PHF21B: variants seen among roughly 807,000 people sequenced by gnomAD.
The protein encoded by PHF21B is PHD finger protein 4.
PHF21B carries 22 observed loss-of-function variants against 62.2 expected under a neutral mutation model. The ratio of observed to expected loss-of-function variants is 0.35; its 90% CI spans 0.25 to 0.51. The LOEUF is 0.51. PHF21B is among the 20% of genes least tolerant of loss of function. The probability of loss-of-function intolerance (pLI) is 0.97; values close to 1 mark genes in which losing one functional copy is unlikely to be tolerated. For synonymous variants in PHF21B, 341 were observed against 314.7 expected (o/e 1.08, Z -0.88); for missense variants, 701 against 707.9 (o/e 0.99, Z 0.11).
chr22:44,991,223 A>G (rs1302162407), intron 2 of PHF21B, among the ~76,000 whole-genome samples: 1 of 152,220 alleles, frequency 6.6e-6, no homozygotes, highest in Non-Finnish European at 1.5e-5. Context: ...TTGAGAAGGC[A>G]AAAAAGCTTG....
chr22:44,951,202 T>C (rs922746030), intron 2 of PHF21B, among the ~76,000 whole-genome samples: 4 of 152,162 alleles, frequency 2.6e-5, no homozygotes, highest in Non-Finnish European at 5.9e-5. Flanking sequence ...TTATCTGTAT[T>C]TGCAGCCGTG....
intron 2 of PHF21B, chr22:44,989,425 G>A (rs1601684954): frequency 1.3e-5 from 2 of 152,036 alleles, no homozygotes; most frequent in African/African-American, 2.4e-5. Context: ...AATCCAACGG[G>A]TTAATGTAAG....
intron 5 of PHF21B, among the ~76,000 whole-genome samples, chr22:44,911,305 T>C (rs1181416171): frequency 6.6e-6 from 1 of 152,010 alleles, no homozygotes; most frequent in Non-Finnish European, 1.5e-5. Flanking sequence ...CTGCAGAAAT[T>C]TGCATAAGTA....
At chr22:44,998,967 T>C (rs1182968920) in intron 2 of PHF21B, among the ~76,000 whole-genome samples, 11 of 152,100 alleles carry the variant, frequency 7.2e-5, no homozygotes, top group Non-Finnish European at 1.5e-5. Flanking sequence ...AGGGTTTGAC[T>C]CAACCCTGAG....
In PHF21B at chr22:44,916,361, G is replaced by T; in HGVS notation, c.483C>A (p.Ala161=). The change falls in exon 4 of 13, where the codon GCC becomes GCA. Residue 161 remains alanine (A), a synonymous_variant. Coordinates refer to ENST00000313237, the MANE Select transcript of PHF21B (RefSeq NM_138415.5). ...AIISTSPSNA[A]AMAPSTAVSV... ...ACACGGCGGTGCTGGGGGCCATGGC[G>T]GCGGCATTGCTGGGGGAGGTGGAGA... is the stretch of plus-strand genomic sequence containing the variant. The T allele has an allele frequency of 6.3e-7, 1 of 1,595,232 alleles. No homozygotes were observed. Among genetic ancestry groups the T allele is most frequent in the Non-Finnish European group, 8.5e-7 (1 of 1,176,196 alleles).
chr22:44,991,179 C>T (rs2073037234), intron 2 of PHF21B, among the ~76,000 whole-genome samples: 2 of 152,176 alleles, frequency 1.3e-5, no homozygotes, highest in East Asian at 3.9e-4. Context: ...CATTTGTGCA[C>T]CAAGGGGATT....
chr22:44,951,307 G>C (rs932729331), intron 2 of PHF21B, among the ~76,000 whole-genome samples: 2 of 152,196 alleles, frequency 1.3e-5, no homozygotes, highest in African/African-American at 4.8e-5. Context: ...TGCATGCAGA[G>C]TTCACAATAG....
chr22:44,934,994 C>T (rs1447166659), intron 2 of PHF21B, among the ~76,000 whole-genome samples: 1 of 152,210 alleles, frequency 6.6e-6, no homozygotes, highest in Non-Finnish European at 1.5e-5. Context: ...ACAGTCCCTG[C>T]TCTGCTCCAG....
chr22:44,888,543 C>T (rs2070901152), intron 9 of PHF21B, among the ~76,000 whole-genome samples: 1 of 152,182 alleles, frequency 6.6e-6, no homozygotes, highest in South Asian at 2.1e-4. Context: ...ATGAATGCAG[C>T]ACTCCCTCCC....
rs58426065 is a variant in PHF21B at position 44,960,956 on chromosome 22, ATTT to A, written c.121-40469_121-40467del. On this transcript the variant is annotated intron_variant, in intron 2 of 12. Coordinates refer to ENST00000313237, the MANE Select transcript of PHF21B (RefSeq NM_138415.5). ...TGTCCCTTCAAAATCACGTGAGTTG[ATTT>A]TTTTTTTTTTTTTTTGAGAAGGAGT... Among the ~76,000 whole-genome samples the A allele has an allele frequency of 5.9e-3, 719 of 120,888 alleles. 1 individual carries two copies. The highest frequency in any genetic ancestry group is 9.2e-3 in the Non-Finnish European group (561 of 60,944). The allele number at this position is 120,888 out of a possible 152,430, so 79.3% of individuals were successfully genotyped here.
At chr22:44,895,744 T>C (rs2071044846) in intron 6 of PHF21B, among the ~76,000 whole-genome samples, 1 of 152,190 alleles carries the variant, frequency 6.6e-6, no homozygotes, top group Non-Finnish European at 1.5e-5. Context: ...GTATTGTGCA[T>C]AGTCATGGAG....
At chr22:44,968,680 A>T (rs1265059957) in intron 2 of PHF21B, among the ~76,000 whole-genome samples, 7 of 150,276 alleles carry the variant, frequency 4.7e-5, no homozygotes, top group Admixed American at 4.0e-4. Context: ...GGGACCATAC[A>T]TGTTTTGGAA....
intron 12 of PHF21B, among the ~76,000 whole-genome samples, chr22:44,884,182 T>A (rs57767623): frequency 8.8e-6 from 1 of 113,148 alleles, no homozygotes; most frequent in Non-Finnish European, 1.8e-5. Context: ...ACCACCATCA[T>A]TACCACCATC....
chr22:44,965,109 A>G (rs1189397516), intron 2 of PHF21B, among the ~76,000 whole-genome samples: 1 of 152,110 alleles, frequency 6.6e-6, no homozygotes, highest in Non-Finnish European at 1.5e-5. Flanking sequence ...TCTGAGTCCC[A>G]GCCTGGGACT....
At chr22:44,955,124 C>T (rs1213568519) in intron 2 of PHF21B, among the ~76,000 whole-genome samples, 2 of 152,202 alleles carry the variant, frequency 1.3e-5, no homozygotes, top group East Asian at 1.9e-4. Flanking sequence ...AAGAAGTCAG[C>T]GGTCATGCTG....
intron 3 of PHF21B, among the ~76,000 whole-genome samples, chr22:44,918,031 A>G (rs2071469808): frequency 6.6e-6 from 1 of 152,120 alleles, no homozygotes; most frequent in Admixed American, 6.5e-5. Context: ...TAAGCCTGCC[A>G]CTCTGTCCTT....
At chr22:44,922,144 G>T (rs2071549394) in intron 2 of PHF21B, among the ~76,000 whole-genome samples, 1 of 152,184 alleles carries the variant, frequency 6.6e-6, no homozygotes, top group East Asian at 1.9e-4. Flanking sequence ...ATAACAAAAA[G>T]GATAAGACAT....
chr22:44,926,601 C>G (rs1367410055), intron 2 of PHF21B, among the ~76,000 whole-genome samples: 2 of 152,204 alleles, frequency 1.3e-5, no homozygotes, highest in Admixed American at 1.3e-4. Flanking sequence ...CTGCAGATAG[C>G]TCTGGGTGGG....
chr22:44,957,057 G>A (rs1364402610), intron 2 of PHF21B, among the ~76,000 whole-genome samples: 5 of 152,096 alleles, frequency 3.3e-5, no homozygotes, highest in Non-Finnish European at 5.9e-5. Flanking sequence ...CTGCCCACAC[G>A]GCAGTCCAAT....
Sources: gnomAD v4.1 joint callset for allele counts (sites outside exome capture counted in the v4.1 genomes callset) on GRCh38, gnomAD v4.1.1 for gene constraint, MANE v1.5 for transcripts, NCBI Gene and HGNC (gene_info 2026-07-23, HGNC 2026-07-21) for gene names.